Variants in ABI3BP observed in about 807,000 individuals in gnomAD.
ABI3BP encodes the protein ABI family member 3 binding protein.
In ABI3BP, 216 loss-of-function variants were observed where a neutral mutation model predicts 268.6. The observed-to-expected ratio is 0.80, with a 90% CI of 0.72 to 0.90. The LOEUF (loss-of-function observed/expected upper bound fraction) is 0.90. Ranked by LOEUF, ABI3BP falls within the 40% of genes least tolerant of loss-of-function variation. The pLI is 0.00. For missense variants in ABI3BP, 2,090 were observed against 2,182.4 expected, an observed-to-expected ratio of 0.96 and a Z score of 0.84; for synonymous variants, 730 against 730.0, an observed-to-expected ratio of 1.00 and a Z score of 0.00.
chr3:100,876,919 C>T (rs536608808), intron 6 of ABI3BP, among the ~76,000 whole-genome samples: 3 of 152,078 alleles, frequency 2.0e-5, no homozygotes, highest in Admixed American at 6.5e-5. Context: ...ACCTGGGAGG[C>T]GGAGGTTGCA....
At chr3:100,922,155 G>A (rs559623063) in intron 2 of ABI3BP, among the ~76,000 whole-genome samples, 1 of 152,322 alleles carries the variant, frequency 6.6e-6, no homozygotes, top group South Asian at 2.1e-4. Flanking sequence ...TTGTACTCAA[G>A]GGACTTTAAT....
chr3:100,894,952 A>AAAAAAAAAAAAAAAAAACAAAAAC (rs1561384128), intron 4 of ABI3BP, among the ~76,000 whole-genome samples: 3 of 111,620 alleles, frequency 2.7e-5, no homozygotes, highest in Non-Finnish European at 4.5e-5. Flanking sequence ...AAAAAAAAAA[A>AAAAAAAAAAAAAAAAAACAAAAAC]AAAAAAAAAA....
intron 43 of ABI3BP, 89 bp downstream of exon 43, chr3:100,816,599 C>A (rs768806409): frequency 3.9e-6 from 4 of 1,025,068 alleles, no homozygotes; most frequent in Admixed American, 4.0e-5. Context: ...TGTTACTTCC[C>A]GTCATAGGCA....
At position 100,940,026 on chromosome 3, in the gene ABI3BP, C is replaced by G. The variant is rs193057728; in HGVS notation, c.80-13545G>C. ...TAGGGCTCTGTTCCGCCCGGCTCAC[C>G]GGTGGTCAGAGTTTAAGGTTATCTC... On this transcript the variant is annotated intron_variant, in intron 1 of 67. Coordinates refer to ENST00000471714, the MANE Select transcript of ABI3BP (RefSeq NM_001375547.2). Among the ~76,000 whole-genome samples the G allele has an allele frequency of 4.3e-4, 65 of 152,208 alleles. 1 individual carries two copies. In the East Asian group the frequency reaches 0.011, roughly 25 times the overall value.
rs1275764136 is a variant in ABI3BP at position 100,829,659 on chromosome 3, TG to T, written c.2463del (p.Val823CysfsTer16). The stretch of plus-strand genomic sequence containing the variant: ...GGACGATGAGTTCGTTGAGGCACTT[TG>T]GGAGCTAAAGGAAGAAAACTTCAGG... ...RTEASGTTAA[P>X]KVPQRTHRPH... is the part of the protein sequence containing the mutation. On this transcript the variant is annotated frameshift_variant, in exon 33 of 68. Transcript: ENST00000471714. LOFTEE classifies it high-confidence loss of function. 1 of 1,535,266 alleles carries T rather than the reference TG, an allele frequency of 6.5e-7. No homozygotes were observed. Among genetic ancestry groups the T allele is most frequent in the Non-Finnish European group, 8.7e-7 (1 of 1,146,218 alleles).
chr3:100,910,751 T>C (rs931621504), intron 2 of ABI3BP, among the ~76,000 whole-genome samples: 3 of 152,162 alleles, frequency 2.0e-5, no homozygotes, highest in African/African-American at 7.2e-5. Context: ...AAAAAGATTT[T>C]GAAATAAAAG....
chr3:100,752,537 A>T (rs1008726282), intron 66 of ABI3BP: 1 of 373,370 alleles, frequency 2.7e-6, no homozygotes, highest in Non-Finnish European at 4.9e-6. Flanking sequence ...TGGTTAGTGA[A>T]TGTACATTCC....
Position 100,781,293 on chromosome 3 carries a change from A to G in ABI3BP, c.4163-1084T>C, listed in dbSNP as rs115571706. ...AACAGAAGCTTTGCCTCCCAAAAAT[A>G]TGATGACATTTTCACATTAATTTAT... On this transcript the variant is annotated intron_variant, in intron 57 of 67. Coordinates refer to ENST00000471714, the MANE Select transcript of ABI3BP (RefSeq NM_001375547.2). Among the ~76,000 whole-genome samples the G allele has an allele frequency of 3.0e-3, 457 of 152,300 alleles. 3 individuals carry two copies. Among genetic ancestry groups the G allele is most frequent in the African/African-American group, 0.011 (439 of 41,570 alleles).
intron 10 of ABI3BP, among the ~76,000 whole-genome samples, chr3:100,865,428 G>A (rs955035106): frequency 2.6e-5 from 4 of 152,102 alleles, no homozygotes; most frequent in Admixed American, 6.5e-5. Context: ...AAAATGAATT[G>A]AAATTATGAT....
chr3:100,900,350 T>C (rs1314096631), intron 3 of ABI3BP, among the ~76,000 whole-genome samples: 1 of 152,232 alleles, frequency 6.6e-6, no homozygotes, highest in Non-Finnish European at 1.5e-5. Flanking sequence ...TGATTTTCAC[T>C]AACGTGATGC....
chr3:100,807,065 C>T (rs956187557), intron 50 of ABI3BP, among the ~76,000 whole-genome samples: 6 of 151,880 alleles, frequency 4.0e-5, no homozygotes, highest in Admixed American at 6.6e-5. Flanking sequence ...TTTTATAGTT[C>T]AACATTCAAG....
chr3:100,938,581 T>C (rs769735300), intron 1 of ABI3BP, among the ~76,000 whole-genome samples: 4 of 151,468 alleles, frequency 2.6e-5, no homozygotes, highest in Non-Finnish European at 5.9e-5. Flanking sequence ...TGTAGTCTTG[T>C]GTGTTAGTCC....
Position 100,816,723 on chromosome 3 carries a change from G to C in ABI3BP, c.3194C>G (p.Thr1065Ser). 6.5e-7 allele frequency: 1 copy of C among 1,535,868 alleles called. No individual in the cohort carries two copies. Reference protein sequence around the residue: ...RTRRPRPRPKTTSSPEVPQNK... With the variant: ...RTRRPRPRPKSTSSPEVPQNK... ...CTGAGGTACTTCAGGACTTGATGTAGTTTTGGGTCTGGGACGGGGACGACG... is the reference window on the plus strand; with the variant it reads ...CTGAGGTACTTCAGGACTTGATGTACTTTTGGGTCTGGGACGGGGACGACG... Residue 1065 changes from threonine to serine, a missense_variant, in exon 43 of 68, where the codon ACT becomes AGT. By Grantham distance (58) the Thr-to-Ser change is moderately conservative. Coordinates refer to ENST00000471714, the MANE Select transcript of ABI3BP (RefSeq NM_001375547.2).
Position 100,775,318 on chromosome 3 carries a change from G to A in ABI3BP, c.4351C>T (p.Pro1451Ser), listed in dbSNP as rs879013757. The A allele has an allele frequency of 1.9e-6, 3 of 1,606,248 alleles. No homozygotes were observed. The South Asian group carries it at 3.4e-5, about 18-fold the overall frequency. ...GACCTCAGGGGTGGTGTAGTTATTGGGCCTGATGAAATGATTCCTGTAAAG... is the reference window on the plus strand; with the variant it reads ...GACCTCAGGGGTGGTGTAGTTATTGAGCCTGATGAAATGATTCCTGTAAAG... Reference protein sequence around the residue: ...PGSAGIISSGPITTPPLRSTP... With the variant: ...PGSAGIISSGSITTPPLRSTP... The change falls in exon 60 of 68, where the codon CCA becomes TCA. Residue 1451 changes from proline to serine, a missense_variant. Physicochemically the swap from Pro to Ser is moderately conservative, Grantham distance 74. Coordinates refer to ENST00000471714, the MANE Select transcript of ABI3BP (RefSeq NM_001375547.2).
chr3:100,799,444 GT>G (rs1269818278), intron 51 of ABI3BP, among the ~76,000 whole-genome samples: 1 of 152,072 alleles, frequency 6.6e-6, no homozygotes, highest in Non-Finnish European at 1.5e-5. Flanking sequence ...ACATATTAAT[GT>G]TTCTAATCAA....
At chr3:100,799,577 C>T (rs979534175) in intron 51 of ABI3BP, among the ~76,000 whole-genome samples, 1 of 152,130 alleles carries the variant, frequency 6.6e-6, no homozygotes, top group African/African-American at 2.4e-5. Flanking sequence ...CCTCTTCTGA[C>T]CCCTCTCCAT....
intron 60 of ABI3BP, 67 bp downstream of exon 60, chr3:100,775,140 C>T: frequency 6.4e-7 from 1 of 1,562,128 alleles, no homozygotes. Flanking sequence ...CACCCATCCC[C>T]ACCAACATTT....
chr3:100,867,881 T>C (rs2099070320), intron 9 of ABI3BP, among the ~76,000 whole-genome samples: 1 of 152,174 alleles, frequency 6.6e-6, no homozygotes, highest in Non-Finnish European at 1.5e-5. Context: ...ATTTTTCCTC[T>C]TTATGCAACT....
At chr3:100,872,963 T>G (rs986241462) in intron 9 of ABI3BP, among the ~76,000 whole-genome samples, 22 of 152,210 alleles carry the variant, frequency 1.4e-4, no homozygotes, top group Non-Finnish European at 1.5e-5. Context: ...CACACCTTAC[T>G]AAGATGTTGA....
Sources: gnomAD v4.1 joint callset for allele counts (sites outside exome capture counted in the v4.1 genomes callset) on GRCh38, gnomAD v4.1.1 for gene constraint, MANE v1.5 for transcripts, NCBI Gene and HGNC (gene_info 2026-07-23, HGNC 2026-07-21) for gene names.